The following CCND1 variants were observed in gnomAD, a reference collection of about 807,000 sequenced individuals.
CCND1 encodes the protein cyclin D1.
Under a neutral mutation model 26.1 loss-of-function variants are expected in CCND1, and 9 were observed. The observed-to-expected ratio is 0.35, with a 90% CI of 0.21 to 0.60. The LOEUF is 0.60. CCND1 is among the 20% of genes least tolerant of loss of function. The pLI is 0.79. For synonymous variants in CCND1, 194 were observed against 166.1 expected, an observed-to-expected ratio of 1.17 and a Z score of -1.29; for missense variants, 335 against 392.9, an observed-to-expected ratio of 0.85 and a Z score of 1.25.
chr11:69,644,068 C>A (rs2120096074), intron 3 of CCND1, 77 bp downstream of exon 3: 1 of 1,432,646 alleles, frequency 7.0e-7, no homozygotes, highest in East Asian at 2.3e-5. Context: ...TTCTTGCTCT[C>A]CACCTGGGTG....
chr11:69,651,096 C>A, intron 4 of CCND1, 22 bp from the exon 5 acceptor site: 2 of 1,607,550 alleles, frequency 1.2e-6, no homozygotes, highest in Non-Finnish European at 1.7e-6. Flanking sequence ...CTTCCCACCT[C>A]TCCCCACCCT....
intron 3 of CCND1, among the ~76,000 whole-genome samples, chr11:69,646,294 G>A (rs1014279939): frequency 1.1e-4 from 17 of 152,186 alleles, no homozygotes; most frequent in African/African-American, 2.7e-4. Context: ...GAGGTGGCTC[G>A]GCTCGTTAAG....
At position 69,643,141 on chromosome 11, in the gene CCND1, G is replaced by A. The variant is rs1855731405; in HGVS notation, c.309G>A (p.Gly103=). 2 of 1,610,024 alleles carry A rather than the reference G, an allele frequency of 1.2e-6. No homozygotes were observed. The highest frequency in any genetic ancestry group is 8.5e-7 in the Non-Finnish European group (1 of 1,178,508). Residue 103 remains glycine (G), a synonymous_variant, in exon 2 of 5, where the codon GGG becomes GGA. Coordinates refer to ENST00000227507, the MANE Select transcript of CCND1 (RefSeq NM_053056.3). ...AAAAGAGCCGCCTGCAGCTGCTGGG[G>A]GCCACTTGCATGTTCGTGGCCTCTA... is the stretch of plus-strand genomic sequence containing the variant. The part of the protein sequence containing the change: ...PVKKSRLQLL[G]ATCMFVASKM...
At chr11:69,645,812 G>A (rs3212869) in intron 3 of CCND1, among the ~76,000 whole-genome samples, 3,212 of 152,302 alleles carry the variant, frequency 0.021, 118 homozygotes, top group African/African-American at 0.074. Flanking sequence ...TGTTCTCCCT[G>A]CACTAGGCAT....
rs1303778732 is a variant in CCND1 at position 69,653,178 on chromosome 11, A to G, written c.*1896A>G. 4.6e-6 allele frequency: 3 copies of G among 648,860 alleles called. No individual in the cohort carries two copies. Among genetic ancestry groups the G allele is most frequent in the Non-Finnish European group, 8.3e-6 (3 of 359,472 alleles). The allele number at this position is 648,860 out of a possible 1,614,324, so 40.2% of individuals were successfully genotyped here. A position where few individuals can be genotyped will look rare whatever the true frequency, so the allele number is the denominator to read the frequency against. On this transcript the variant is annotated 3_prime_UTR_variant, in exon 5 of 5. Coordinates refer to ENST00000227507, the MANE Select transcript of CCND1 (RefSeq NM_053056.3). ...ACAGGCGGGAGGAGGTGTGAGGAGGAGGCTCCCGAGGGGAAGGGGCGGTGC... is the reference window on the plus strand; with the variant it reads ...ACAGGCGGGAGGAGGTGTGAGGAGGGGGCTCCCGAGGGGAAGGGGCGGTGC...
chr11:69,641,305 G>A lies in CCND1; in HGVS notation c.-9G>A. ...AGCCCTCCCCAGCTGCCCAGGAAGAGCCCCAGCCATGGAACACCAGCTCCT... is the reference window on the plus strand; with the variant it reads ...AGCCCTCCCCAGCTGCCCAGGAAGAACCCCAGCCATGGAACACCAGCTCCT... On this transcript the variant is annotated 5_prime_UTR_variant, in exon 1 of 5. Transcript: ENST00000227507. 2 of 1,609,560 alleles carry A rather than the reference G, an allele frequency of 1.2e-6. No individual in the cohort carries two copies. The highest frequency in any genetic ancestry group is 8.5e-7 in the Non-Finnish European group (1 of 1,179,732).
At chr11:69,642,852 T>G (rs1855726427) in intron 1 of CCND1, among the ~76,000 whole-genome samples, 179 bp from the exon 2 acceptor site, 1 of 140,444 alleles carries the variant, frequency 7.1e-6, no homozygotes, top group Non-Finnish European at 1.6e-5. Context: ...TCGGGGAGGG[T>G]GGGTACTGGG....
At chr11:69,647,052 G>A (rs1855791782) in intron 3 of CCND1, among the ~76,000 whole-genome samples, 1 of 152,178 alleles carries the variant, frequency 6.6e-6, no homozygotes, top group Admixed American at 6.5e-5. Flanking sequence ...GTGCCCTCTT[G>A]GGAAAGCTGC....
Position 69,654,175 on chromosome 11 carries a change from C to T in CCND1, c.*2893C>T, listed in dbSNP as rs1326755443. The T allele has an allele frequency of 1.0e-5, 7 of 678,436 alleles. No homozygotes were observed. Among genetic ancestry groups the T allele is most frequent in the African/African-American group, 5.3e-5 (3 of 56,662 alleles). The allele number at this position is 678,436 out of a possible 1,614,324, so 42.0% of individuals were successfully genotyped here. On this transcript the variant is annotated 3_prime_UTR_variant, in exon 5 of 5. Transcript: ENST00000227507. The surrounding 1 kb of genome is among the most constrained non-coding windows in gnomAD (Gnocchi z 6.3). Reference sequence around the variant, plus strand: ...ACGCTTACCTCAACCATCCTGGCTGCGGCGTCTGTCTGAACCACGCGGGGG... The same window carrying T: ...ACGCTTACCTCAACCATCCTGGCTGTGGCGTCTGTCTGAACCACGCGGGGG...
chr11:69,649,152 C>T (rs1181535166), intron 4 of CCND1, among the ~76,000 whole-genome samples: 1 of 152,218 alleles, frequency 6.6e-6, no homozygotes, highest in Non-Finnish European at 1.5e-5. Context: ...AGGCCAGCAG[C>T]CCGCAGCTCT....
rs774786205 is a variant in CCND1 at position 69,641,445 on chromosome 11, C to T, written c.132C>T (p.Tyr44=). 1.9e-6 allele frequency: 3 copies of T among 1,613,496 alleles called. No individual in the cohort carries two copies. Among genetic ancestry groups the T allele is most frequent in the Non-Finnish European group, 2.5e-6 (3 of 1,180,032 alleles). The part of the protein sequence containing the change: ...AEETCAPSVS[Y]FKCVQKEVLP... ...AGACCTGCGCGCCCTCGGTGTCCTA[C>T]TTCAAATGTGTGCAGAAGGAGGTCC... Residue 44 remains tyrosine (Y), a synonymous_variant, in exon 1 of 5, where the codon TAC becomes TAT. Transcript: ENST00000227507.
Position 69,654,309 on chromosome 11 carries a change from C to T in CCND1, c.*3027C>T. On this transcript the variant is annotated 3_prime_UTR_variant, in exon 5 of 5. Coordinates refer to ENST00000227507, the MANE Select transcript of CCND1 (RefSeq NM_053056.3). The surrounding 1 kb of genome is among the most constrained non-coding windows in gnomAD (Gnocchi z 6.3). ...GCAAGTGCACGGGGCACAGCGGAGT[C>T]TGTCCTGTGACGCGCAAGTCTGAGG... 1 of 702,614 alleles carries T rather than the reference C, an allele frequency of 1.4e-6. No homozygotes were observed. 43.5% of individuals were successfully genotyped at this position (702,614 alleles called of 1,614,324 possible).
chr11:69,649,627 C>T (rs1311880828), intron 4 of CCND1, among the ~76,000 whole-genome samples: 1 of 152,222 alleles, frequency 6.6e-6, no homozygotes, highest in East Asian at 1.9e-4. Flanking sequence ...CGCGGAGGAG[C>T]GTGCTGCCTT....
Position 69,651,790 on chromosome 11 carries a change from T to G in CCND1, c.*508T>G. The G allele has an allele frequency of 4.3e-6, 1 of 233,502 alleles. No individual in the cohort carries two copies. Among genetic ancestry groups the G allele is most frequent in the South Asian group, 1.8e-4 (1 of 5,532 alleles). The allele number at this position is 233,502 out of a possible 1,614,324, so 14.5% of individuals were successfully genotyped here. The stretch of plus-strand genomic sequence containing the variant: ...TTTTAGGTAGAAAAACATATTCTTG[T>G]GCTTTTCCTGATAAAGCACAGCTGT... On this transcript the variant is annotated 3_prime_UTR_variant, in exon 5 of 5. Coordinates refer to ENST00000227507, the MANE Select transcript of CCND1 (RefSeq NM_053056.3).
chr11:69,653,026 C>G lies in CCND1; in HGVS notation c.*1744C>G. 2.1e-6 allele frequency: 1 copy of G among 484,708 alleles called. No homozygotes were observed. The highest frequency in any genetic ancestry group is 3.4e-5 in the East Asian group (1 of 29,214). 30.0% of individuals were successfully genotyped at this position (484,708 alleles called of 1,614,324 possible). A position where few individuals can be genotyped will look rare whatever the true frequency, so the allele number is the denominator to read the frequency against. On this transcript the variant is annotated 3_prime_UTR_variant, in exon 5 of 5. Coordinates refer to ENST00000227507, the MANE Select transcript of CCND1 (RefSeq NM_053056.3). The stretch of plus-strand genomic sequence containing the variant: ...TCCGATGAATTCTTATCCCCTGCCC[C>G]TTCCTTTAAAAAACTTAGTGACAAA...
rs1254517572 is a variant in CCND1, at chr11:69,647,884, C to T, written c.575-110C>T. 17 of 1,308,156 alleles carry T rather than the reference C, an allele frequency of 1.3e-5. No individual in the cohort carries two copies. The East Asian group carries it at 4.0e-4, about 31-fold the overall frequency. The allele number at this position is 1,308,156 out of a possible 1,614,324, so 81.0% of individuals were successfully genotyped here. A position where few individuals can be genotyped will look rare whatever the true frequency, so the allele number is the denominator to read the frequency against. On this transcript the variant is annotated intron_variant, in intron 3 of 4. Transcript: ENST00000227507. ...GGAGCCTCAGATACCGAGTGCTTCCCTTCAGGCCGGGCCGCTTGCTCAGAG... is the reference window on the plus strand; with the variant it reads ...GGAGCCTCAGATACCGAGTGCTTCCTTTCAGGCCGGGCCGCTTGCTCAGAG...
intron 1 of CCND1, 118 bp downstream of exon 1, chr11:69,641,629 G>A: frequency 1.0e-6 from 1 of 972,382 alleles, no homozygotes; most frequent in South Asian, 1.4e-5. Context: ...GTTTGCCGTG[G>A]TGTTTCTAGG....
intron 4 of CCND1, among the ~76,000 whole-genome samples, chr11:69,648,682 TAAAG>T (rs1855816116): frequency 1.3e-5 from 2 of 150,038 alleles, no homozygotes; most frequent in South Asian, 2.2e-4. Context: ...AGTCTTTTCT[TAAAG>T]AAAGAATTAA....
intron 3 of CCND1, among the ~76,000 whole-genome samples, chr11:69,646,175 T>C (rs1855777273): frequency 6.6e-6 from 1 of 152,218 alleles, no homozygotes; most frequent in South Asian, 2.1e-4. Context: ...TGTCGCTCCC[T>C]GCAGAAGCGG....
Sources: allele counts gnomAD v4.1 joint callset (sites outside exome capture counted in the v4.1 genomes callset), GRCh38; gene constraint gnomAD v4.1.1; non-coding constraint Gnocchi (gnomAD v3.1); transcripts MANE v1.5; gene names NCBI Gene and HGNC (gene_info 2026-07-23, HGNC 2026-07-21).